AKAP6: variants seen among roughly 807,000 people sequenced by gnomAD.
The protein encoded by AKAP6 is A-kinase anchoring protein 6.
In AKAP6, 58 loss-of-function variants were observed where a neutral mutation model predicts 188.5. The observed-to-expected ratio is 0.31, with a 90% CI of 0.25 to 0.38. AKAP6 has a LOEUF of 0.38. AKAP6 is among the 10% of genes least tolerant of loss of function. AKAP6 has a pLI of 1.00. For missense variants in AKAP6, 2,710 were observed against 2,740.0 expected (o/e 0.99, Z 0.24); for synonymous variants, 989 against 998.6 (o/e 0.99, Z 0.18).
In AKAP6 at chr14:32,454,677, TTCCCTCCTTCCCTCCC is replaced by T. The variant is rs1566512072; in HGVS notation, c.324+20868_324+20883del. Among the ~76,000 whole-genome samples, 186 of 42,194 alleles carry T rather than the reference TTCCCTCCTTCCCTCCC, an allele frequency of 4.4e-3. 14 individuals are homozygous for T. The highest frequency in any genetic ancestry group is 9.5e-3 in the East Asian group (11 of 1,164). 27.7% of individuals were successfully genotyped at this position (42,194 alleles called of 152,430 possible). A position where few individuals can be genotyped will look rare whatever the true frequency, so the allele number is the denominator to read the frequency against. ...CCTCTCTCCTTCCCTCCTTCCCTCC[TTCCCTCCTTCCCTCCC>T]TCCCTCCCTCCCTCCTTCCCTCCTT... On this transcript the variant is annotated intron_variant, in intron 2 of 13. Coordinates refer to ENST00000280979, the MANE Select transcript of AKAP6 (RefSeq NM_004274.5).
intron 7 of AKAP6, among the ~76,000 whole-genome samples, chr14:32,603,156 G>A (rs1313359119): frequency 6.6e-6 from 1 of 152,164 alleles, no homozygotes; most frequent in Non-Finnish European, 1.5e-5. Flanking sequence ...AAGGGAAGCT[G>A]GGTGCCCTGT....
At chr14:32,415,765 A>T (rs1158696735) in intron 1 of AKAP6, among the ~76,000 whole-genome samples, 1 of 152,138 alleles carries the variant, frequency 6.6e-6, no homozygotes, top group Non-Finnish European at 1.5e-5. Flanking sequence ...TAAGTACCTC[A>T]TATCAGTGGA....
intron 2 of AKAP6, chr14:32,438,907 G>T (rs1890476243): frequency 6.6e-6 from 1 of 152,202 alleles, no homozygotes; most frequent in Non-Finnish European, 1.5e-5. Context: ...AATATTATTT[G>T]TTTTCCTGGA....
chr14:32,403,657 T>C (rs1253116990), intron 1 of AKAP6, among the ~76,000 whole-genome samples: 1 of 152,220 alleles, frequency 6.6e-6, no homozygotes, highest in African/African-American at 2.4e-5. Context: ...GTTATAGTGA[T>C]CTACCTCTCA....
intron 7 of AKAP6, among the ~76,000 whole-genome samples, chr14:32,635,463 C>G (rs1019723877): frequency 6.6e-6 from 1 of 152,032 alleles, no homozygotes; most frequent in Non-Finnish European, 1.5e-5. Context: ...TATCACTGAT[C>G]CATCTGTAAT....
At chr14:32,578,483 C>T (rs1365085370) in intron 5 of AKAP6, among the ~76,000 whole-genome samples, 5 of 152,018 alleles carry the variant, frequency 3.3e-5, no homozygotes. Flanking sequence ...GTCCTTAGTA[C>T]TCATTTCCCT....
chr14:32,582,192 G>A (rs2139285365), intron 5 of AKAP6, among the ~76,000 whole-genome samples: 1 of 152,114 alleles, frequency 6.6e-6, no homozygotes, highest in Admixed American at 6.5e-5. Context: ...CAGGCCTGGT[G>A]GTGACAAAAT....
intron 5 of AKAP6, among the ~76,000 whole-genome samples, chr14:32,583,373 G>C (rs910005895): frequency 6.6e-6 from 1 of 152,176 alleles, no homozygotes; most frequent in African/African-American, 2.4e-5. Context: ...GGAGTACCCG[G>C]CCGTGTGAGG....
At chr14:32,538,877 A>G (rs1287132804) in intron 3 of AKAP6, among the ~76,000 whole-genome samples, 3 of 152,176 alleles carry the variant, frequency 2.0e-5, no homozygotes, top group Non-Finnish European at 4.4e-5. Context: ...AATTTTAAAA[A>G]AGAAGAATTT....
intron 12 of AKAP6, among the ~76,000 whole-genome samples, chr14:32,787,125 A>C (rs542607222): frequency 3.9e-5 from 6 of 152,248 alleles, no homozygotes; most frequent in Non-Finnish European, 7.3e-5. Flanking sequence ...GAGGTAACAT[A>C]ACCAATTACC....
intron 9 of AKAP6, among the ~76,000 whole-genome samples, chr14:32,722,469 C>T (rs1375460326): frequency 1.3e-5 from 2 of 152,098 alleles, no homozygotes; most frequent in African/African-American, 2.4e-5. Flanking sequence ...AGCCTGGAAC[C>T]GCAGCCCTAA....
intron 2 of AKAP6, among the ~76,000 whole-genome samples, chr14:32,437,499 T>G (rs2138721450): frequency 6.6e-6 from 1 of 152,218 alleles, no homozygotes; most frequent in South Asian, 2.1e-4. Flanking sequence ...TCTCAGCTCT[T>G]TAATTAAATG....
intron 1 of AKAP6, among the ~76,000 whole-genome samples, chr14:32,398,284 G>T (rs115393655): frequency 4.7e-4 from 72 of 152,352 alleles, no homozygotes; most frequent in African/African-American, 1.7e-3. Context: ...AATTGTGTGT[G>T]TGGGGCCTTC....
Position 32,824,116 on chromosome 14 carries a change from C to T in AKAP6, c.6303C>T (p.Pro2101=). 6.2e-7 allele frequency: 1 copy of T among 1,613,980 alleles called. No individual in the cohort carries two copies. Residue 2101 remains proline (P), a synonymous_variant, in exon 13 of 14, where the codon CCC becomes CCT. Transcript: ENST00000280979. ...AAGTGTTGGAGCATTCTCACCGGCCCATCCAGCTGAGAAAAGGGGACTTTT... is the reference window on the plus strand; with the variant it reads ...AAGTGTTGGAGCATTCTCACCGGCCTATCCAGCTGAGAAAAGGGGACTTTT... ...KEKVLEHSHR[P]IQLRKGDFYS...
Position 32,678,525 on chromosome 14 carries a change from T to C in AKAP6, c.2879+66T>C. On this transcript the variant is annotated intron_variant, in intron 8 of 13. Transcript: ENST00000280979. The stretch of plus-strand genomic sequence containing the variant: ...TATTTTTTCAATGATTTTCCACTGG[T>C]AGGTGTTAGGAAGGTATTTCCTCTT... 3 of 1,583,106 alleles carry C rather than the reference T, an allele frequency of 1.9e-6. No homozygotes were observed. In the South Asian group the frequency reaches 3.4e-5, roughly 18 times the overall value.
At chr14:32,812,697 A>T (rs1195960955) in intron 12 of AKAP6, among the ~76,000 whole-genome samples, 2 of 152,238 alleles carry the variant, frequency 1.3e-5, no homozygotes, top group Admixed American at 6.5e-5. Context: ...TTGCACAAGA[A>T]TTAACTTGCT....
intron 8 of AKAP6, among the ~76,000 whole-genome samples, chr14:32,680,336 G>C (rs1411006466): frequency 6.6e-6 from 1 of 152,178 alleles, no homozygotes; most frequent in Non-Finnish European, 1.5e-5. Flanking sequence ...AAATGCATGT[G>C]AGTGAGGTTA....
At chr14:32,640,444 A>G (rs892274641) in intron 7 of AKAP6, among the ~76,000 whole-genome samples, 2 of 152,186 alleles carry the variant, frequency 1.3e-5, no homozygotes, top group Non-Finnish European at 2.9e-5. Context: ...TTTGGGGTCC[A>G]TGATCTGCCA....
chr14:32,337,793 G>A (rs1886759986), intron 1 of AKAP6, among the ~76,000 whole-genome samples: 1 of 148,358 alleles, frequency 6.7e-6, no homozygotes, highest in African/African-American at 2.5e-5. Context: ...TTAAACATTT[G>A]AATTTTGACT....
Sources: allele counts gnomAD v4.1 joint callset (sites outside exome capture counted in the v4.1 genomes callset), GRCh38; gene constraint gnomAD v4.1.1; transcripts MANE v1.5; gene names NCBI Gene and HGNC (gene_info 2026-07-23, HGNC 2026-07-21).